CSMD3: variants seen among roughly 807,000 people sequenced by gnomAD.
CSMD3 encodes CUB and sushi domain-containing protein 3.
In CSMD3, 177 loss-of-function variants were observed where a neutral mutation model predicts 435.2. The observed-to-expected ratio is 0.41, with a 90% confidence interval of 0.36 to 0.46. The LOEUF is 0.46. Ranked by LOEUF, CSMD3 falls within the 20% of genes least tolerant of loss-of-function variation. The pLI is 0.34. For missense variants in CSMD3, 4,265 were observed against 4,504.6 expected (o/e 0.95, Z 1.52); for synonymous variants, 1,656 against 1,520.5 (o/e 1.09, Z -2.07).
intron 12 of CSMD3, among the ~76,000 whole-genome samples, chr8:112,822,466 C>T (rs564888282): frequency 1.3e-4 from 19 of 151,846 alleles, no homozygotes; most frequent in Non-Finnish European, 2.4e-4. Flanking sequence ...CTATTGTTGG[C>T]GTATAGGATT....
intron 9 of CSMD3, among the ~76,000 whole-genome samples, chr8:112,929,398 AAG>A (rs1327824913): frequency 6.6e-6 from 1 of 152,040 alleles, no homozygotes; most frequent in African/African-American, 2.4e-5. Flanking sequence ...TTAAAAAAAA[AAG>A]ATTTCAAGAT....
At chr8:113,072,216 G>A (rs1352502596) in intron 5 of CSMD3, among the ~76,000 whole-genome samples, 1 of 151,376 alleles carries the variant, frequency 6.6e-6, no homozygotes, top group Admixed American at 6.6e-5. Context: ...GAGAACTTAG[G>A]GTTTTCTATG....
At chr8:112,234,144 C>A (rs1398904754) in intron 68 of CSMD3, among the ~76,000 whole-genome samples, 1 of 150,626 alleles carries the variant, frequency 6.6e-6, no homozygotes, top group African/African-American at 2.5e-5. Flanking sequence ...CACACGTACA[C>A]CCCACCACCA....
intron 1 of CSMD3, 39 bp from the exon 2 acceptor site, chr8:113,314,832 A>G (rs1357697572): frequency 7.9e-7 from 1 of 1,264,928 alleles, no homozygotes; most frequent in African/African-American, 1.5e-5. Context: ...AATATTATAT[A>G]AATCAAGAAC....
intron 32 of CSMD3, among the ~76,000 whole-genome samples, chr8:112,463,342 A>G (rs1422877500): frequency 1.3e-5 from 2 of 151,878 alleles, no homozygotes; most frequent in Admixed American, 6.5e-5. Flanking sequence ...AGCCTGGGCA[A>G]CAGAGTAAGA....
intron 1 of CSMD3, among the ~76,000 whole-genome samples, chr8:113,387,202 G>A (rs528126453): frequency 7.9e-4 from 120 of 151,882 alleles, no homozygotes; most frequent in Non-Finnish European, 1.1e-3. Flanking sequence ...AGTGTTGGAG[G>A]AATGAAGACA....
rs541434107 is a variant in CSMD3 at position 113,034,069 on chromosome 8, T to C, written c.918-14890A>G. ...CCTGAGCCCCATCCCCTCACATCCA[T>C]GCAGAACTGTGAGTCAATTAACCTC... On this transcript the variant is annotated intron_variant, in intron 5 of 70. Transcript: ENST00000297405. Among the ~76,000 whole-genome samples, 81 of 151,734 alleles carry C rather than the reference T, an allele frequency of 5.3e-4. 5 individuals are homozygous for C. The highest frequency in any genetic ancestry group is 4.0e-3 in the South Asian group (19 of 4,776).
At chr8:112,588,645 A>G (rs1225088241) in intron 22 of CSMD3, among the ~76,000 whole-genome samples, 2 of 152,142 alleles carry the variant, frequency 1.3e-5, no homozygotes, top group African/African-American at 4.8e-5. Flanking sequence ...AGCAACATGT[A>G]TCTAATAAGG....
intron 13 of CSMD3, among the ~76,000 whole-genome samples, chr8:112,746,936 T>C (rs2077439670): frequency 6.6e-6 from 1 of 152,096 alleles, no homozygotes; most frequent in Admixed American, 6.6e-5. Context: ...ATTTCAAAAT[T>C]CATGTAGACA....
intron 32 of CSMD3, among the ~76,000 whole-genome samples, chr8:112,470,095 A>G (rs1340230963): frequency 6.6e-6 from 1 of 152,178 alleles, no homozygotes; most frequent in Non-Finnish European, 1.5e-5. Context: ...GAAGAAGTCA[A>G]CAGTCAGTAT....
At chr8:113,420,116 A>G (rs1253416544) in intron 1 of CSMD3, among the ~76,000 whole-genome samples, 1 of 152,172 alleles carries the variant, frequency 6.6e-6, no homozygotes, top group Non-Finnish European at 1.5e-5. Flanking sequence ...CAAATGGGCA[A>G]TATTAAAATA....
At chr8:112,328,447 C>T (rs1297246694) in intron 45 of CSMD3, among the ~76,000 whole-genome samples, 2 of 152,104 alleles carry the variant, frequency 1.3e-5, no homozygotes, top group African/African-American at 4.8e-5. Context: ...TTACAAATAT[C>T]CCTTTTACAT....
At chr8:113,410,030 A>T (rs1588679222) in intron 1 of CSMD3, among the ~76,000 whole-genome samples, 1 of 152,140 alleles carries the variant, frequency 6.6e-6, no homozygotes, top group East Asian at 1.9e-4. Flanking sequence ...TTATTTATTC[A>T]TTTACTTACT....
chr8:113,109,204 C>T (rs2090567976), intron 4 of CSMD3, among the ~76,000 whole-genome samples: 1 of 152,218 alleles, frequency 6.6e-6, no homozygotes, highest in African/African-American at 2.4e-5. Context: ...AACATCTTTT[C>T]CAATTCTGGC....
intron 5 of CSMD3, among the ~76,000 whole-genome samples, chr8:113,055,154 A>G (rs2088266196): frequency 6.6e-6 from 1 of 152,116 alleles, no homozygotes. Flanking sequence ...ATCATCTGCT[A>G]CAACTCTTTC....
At chr8:112,251,065 A>T (rs1815212427) in intron 63 of CSMD3, among the ~76,000 whole-genome samples, 1 of 151,634 alleles carries the variant, frequency 6.6e-6, no homozygotes, top group African/African-American at 2.4e-5. Flanking sequence ...GGCAAATAAC[A>T]CTTGGCATGC....
At chr8:112,940,351 T>C (rs988560576) in intron 9 of CSMD3, among the ~76,000 whole-genome samples, 2 of 151,580 alleles carry the variant, frequency 1.3e-5, no homozygotes, top group Non-Finnish European at 3.0e-5. Context: ...ACATAAGAGA[T>C]TTCAATATCT....
intron 22 of CSMD3, among the ~76,000 whole-genome samples, chr8:112,608,122 T>C (rs971311349): frequency 6.6e-6 from 1 of 152,084 alleles, no homozygotes; most frequent in Non-Finnish European, 1.5e-5. Context: ...GGATATAACA[T>C]TAACATATAA....
intron 30 of CSMD3, among the ~76,000 whole-genome samples, chr8:112,493,206 A>G (rs1041574115): frequency 6.6e-6 from 1 of 152,096 alleles, no homozygotes; most frequent in Non-Finnish European, 1.5e-5. Flanking sequence ...ATCTTCATAG[A>G]TCTTCTCATT....
Sources: allele counts gnomAD v4.1 joint callset (sites outside exome capture counted in the v4.1 genomes callset), GRCh38; gene constraint gnomAD v4.1.1; transcripts MANE v1.5; gene names NCBI Gene and HGNC (gene_info 2026-07-23, HGNC 2026-07-21).